The following NDUFAF7 variants were observed in gnomAD, a reference collection of about 807,000 sequenced individuals.
NDUFAF7 encodes the protein NADH:ubiquinone oxidoreductase complex assembly factor 7, also known as protein arginine methyltransferase NDUFAF7, mitochondrial.
NDUFAF7 carries 48 observed loss-of-function variants against 47.2 expected under a neutral mutation model. The observed-to-expected ratio is 1.02, with a 90% CI of 0.81 to 1.29. The LOEUF is 1.29. NDUFAF7 is among the 50% of genes most tolerant of loss of function. The probability of loss-of-function intolerance (pLI) is 0.00; values close to 1 mark genes in which losing one functional copy is unlikely to be tolerated. For synonymous variants in NDUFAF7, 217 were observed against 190.0 expected (o/e 1.14, Z -1.17); for missense variants, 635 against 537.6 (o/e 1.18, Z -1.79).
intron 4 of NDUFAF7, among the ~76,000 whole-genome samples, chr2:37,240,203 C>T (rs931525167): frequency 3.3e-5 from 5 of 151,988 alleles, no homozygotes; most frequent in South Asian, 4.1e-4. Context: ...GTTCGAGGCT[C>T]CCAAAGTTCA....
chr2:37,241,281 T>C (rs977383713), intron 4 of NDUFAF7, among the ~76,000 whole-genome samples: 1 of 152,212 alleles, frequency 6.6e-6, no homozygotes, highest in Non-Finnish European at 1.5e-5. Context: ...GGTCTTTTTT[T>C]AGACTCCATA....
chr2:37,236,246 T>G, intron 3 of NDUFAF7, 70 bp downstream of exon 3: 6 of 1,301,220 alleles, frequency 4.6e-6, no homozygotes, highest in Non-Finnish European at 6.7e-6. Flanking sequence ...TGTATTATTC[T>G]GTAGTAGTGT....
downstream of NDUFAF7, among the ~76,000 whole-genome samples, chr2:37,253,641 T>C (rs1667696763): frequency 6.6e-6 from 1 of 152,204 alleles, no homozygotes; most frequent in African/African-American, 2.4e-5. Context: ...CTAAAACATT[T>C]TGTTCTATAC....
At chr2:37,261,141 A>G in the NDUFAF7 span, among the ~76,000 whole-genome samples, 3 of 152,160 alleles carry the variant, frequency 2.0e-5, no homozygotes, top group African/African-American at 7.2e-5. Context: ...ATTTAATCTT[A>G]AATATGTTCT....
At chr2:37,248,067 A>T in intron 9 of NDUFAF7, 68 bp from the exon 10 acceptor site, 1 of 1,210,766 alleles carries the variant, frequency 8.3e-7, no homozygotes. Flanking sequence ...GAGAGTCATT[A>T]GTATTGCTGC....
At chr2:37,242,804 T>A (rs1666494317) in intron 6 of NDUFAF7, 111 bp downstream of exon 6, 3 of 813,292 alleles carry the variant, frequency 3.7e-6, no homozygotes, top group South Asian at 3.8e-5. Context: ...AGGTTATTTT[T>A]AACTATTATT....
intron 4 of NDUFAF7, among the ~76,000 whole-genome samples, chr2:37,238,417 C>T (rs577493895): frequency 6.6e-6 from 1 of 151,534 alleles, no homozygotes; most frequent in African/African-American, 2.4e-5. Context: ...CGCCATTGCA[C>T]TCCAGCCTGG....
At chr2:37,267,364 A>ATT in the NDUFAF7 span, 1 of 941,396 alleles carries the variant, frequency 1.1e-6, no homozygotes, top group Non-Finnish European at 1.6e-6. Context: ...AAAAAAAAAG[A>ATT]GAAGCAGTTA....
Position 37,232,281 on chromosome 2 carries a change from G to A in NDUFAF7, c.216+15G>A. On this transcript the variant is annotated intron_variant, in intron 2 of 9. Coordinates refer to ENST00000002125, the MANE Select transcript of NDUFAF7 (RefSeq NM_144736.5). Reference sequence around the variant, plus strand: ...ATCCAGCCAAGGTATGGGTCGGGTAGCCCGAGGACTAGGCCCTCTCTAGCC... The same window carrying A: ...ATCCAGCCAAGGTATGGGTCGGGTAACCCGAGGACTAGGCCCTCTCTAGCC... The A allele has an allele frequency of 6.2e-7, 1 of 1,612,362 alleles. No individual in the cohort carries two copies. The highest frequency in any genetic ancestry group is 8.5e-7 in the Non-Finnish European group (1 of 1,179,920).
intron 6 of NDUFAF7, among the ~76,000 whole-genome samples, chr2:37,243,024 G>C (rs1300027062): frequency 1.3e-5 from 2 of 152,132 alleles, no homozygotes; most frequent in African/African-American, 4.8e-5. Context: ...ATAGGGTATT[G>C]CTATGTTGCC....
chr2:37,243,451 CA>C (rs60203430), intron 6 of NDUFAF7, among the ~76,000 whole-genome samples: 17 of 147,734 alleles, frequency 1.2e-4, no homozygotes, highest in Admixed American at 2.0e-4. Context: ...GAGCTTGTCT[CA>C]AAAAAAAAAT....
chr2:37,237,455 G>A (rs964950417), intron 3 of NDUFAF7, among the ~76,000 whole-genome samples: 1 of 152,190 alleles, frequency 6.6e-6, no homozygotes, highest in African/African-American at 2.4e-5. Context: ...CATTTCATAT[G>A]TTTATTTGCT....
chr2:37,248,264 C>G lies in NDUFAF7; in HGVS notation c.1240C>G (p.Gln414Glu). The G allele has an allele frequency of 6.2e-7, 1 of 1,614,046 alleles. No individual in the cohort carries two copies. The highest frequency in any genetic ancestry group is 8.5e-7 in the Non-Finnish European group (1 of 1,179,964). ...TGCCTTGCTACCTCATCAGAGACTT[C>G]AAGGTGGAAGATATCAGAGGAATGC... ...FFALLPHQRL[Q>E]GGRYQRNARQ... Residue 414 changes from glutamine (Q) to glutamate (E), a missense_variant, in exon 10 of 10, where the codon CAA (glutamine) becomes GAA (glutamate). Physicochemically the swap from Gln to Glu is conservative, Grantham distance 29. Transcript: ENST00000002125.
the NDUFAF7 span, chr2:37,259,528 G>C: frequency 7.4e-7 from 1 of 1,354,560 alleles, no homozygotes; most frequent in Non-Finnish European, 1.0e-6. Flanking sequence ...TTTATTATGT[G>C]GGTGCTTTGA....
Position 37,237,744 on chromosome 2 carries a change from T to C in NDUFAF7, c.298-13T>C, listed in dbSNP as rs566427617. ...AATACTTTAATATGTGTTTTTTTTT[T>C]CCCTTTTCACAGCTACTAGGTATAT... On this transcript the variant is annotated splice_polypyrimidine_tract_variant and intron_variant, in intron 3 of 9. Transcript: ENST00000002125. The C allele has an allele frequency of 2.4e-5, 37 of 1,519,876 alleles. No individual in the cohort carries two copies. The highest frequency in any genetic ancestry group is 4.5e-5 in the South Asian group (4 of 88,918). The allele number at this position is 1,519,876 out of a possible 1,614,324, so 94.1% of individuals were successfully genotyped here. A position where few individuals can be genotyped will look rare whatever the true frequency, so the allele number is the denominator to read the frequency against.
downstream of NDUFAF7, among the ~76,000 whole-genome samples, chr2:37,258,115 A>G (rs969245580): frequency 1.1e-4 from 16 of 152,234 alleles, no homozygotes; most frequent in African/African-American, 3.9e-4. Context: ...TCTGACTTAA[A>G]AAATGTCTTT....
At chr2:37,249,498 A>T (rs746693130), downstream of NDUFAF7, among the ~76,000 whole-genome samples, 1 of 150,230 alleles carries the variant, frequency 6.7e-6, no homozygotes, top group African/African-American at 2.5e-5. Context: ...AATCGCTTGA[A>T]CCCGGGAGGC....
chr2:37,248,105 TA>T, intron 9 of NDUFAF7, 29 bp from the exon 10 acceptor site: 1 of 1,544,372 alleles, frequency 6.5e-7, no homozygotes, highest in Non-Finnish European at 8.9e-7. Flanking sequence ...GTCTTCTGGT[TA>T]TTTTTGCTAA....
intron 8 of NDUFAF7, among the ~76,000 whole-genome samples, chr2:37,246,906 A>G (rs1373395783): frequency 6.6e-6 from 1 of 151,886 alleles, no homozygotes; most frequent in East Asian, 1.9e-4. Context: ...TTTATTTTAG[A>G]TTTAGGGGGT....
Sources: allele counts gnomAD v4.1 joint callset (sites outside exome capture counted in the v4.1 genomes callset), GRCh38; gene constraint gnomAD v4.1.1; transcripts MANE v1.5; gene names NCBI Gene and HGNC (gene_info 2026-07-23, HGNC 2026-07-21).